Variants in DMD observed in about 807,000 individuals in gnomAD.
DMD encodes dystrophin.
In DMD, 63 loss-of-function variants were observed where a neutral mutation model predicts 330.1. The ratio of observed to expected loss-of-function variants is 0.19; its 90% CI spans 0.16 to 0.24. The LOEUF is 0.24. DMD is among the 10% of genes least tolerant of loss of function. The pLI is 1.00. For synonymous variants in DMD, 1,223 were observed against 959.8 expected (o/e 1.27, Z -5.07); for missense variants, 3,344 against 2,684.1 (o/e 1.25, Z -5.43).
chrX:31,927,171 A>G (rs1235801265), intron 47 of DMD, among the ~76,000 whole-genome samples: 1 of 112,467 alleles, frequency 8.9e-6, no homozygotes, highest in Non-Finnish European at 1.9e-5. Context: ...AATGAATAAA[A>G]TTCCAAATCC....
At chrX:32,390,424 A>C (rs914005791) in intron 30 of DMD, among the ~76,000 whole-genome samples, 1 of 109,729 alleles carries the variant, frequency 9.1e-6, no homozygotes, top group Non-Finnish European at 1.9e-5. Flanking sequence ...TATCCAAGTG[A>C]AACGATTTAT....
chrX:31,970,924 T>A (rs2095393591), intron 44 of DMD, among the ~76,000 whole-genome samples: 1 of 111,779 alleles, frequency 8.9e-6, no homozygotes, highest in African/African-American at 3.3e-5. Context: ...ACCATGGCTC[T>A]TATTTGTTCC....
At chrX:32,353,462 A>G (rs12688694) in intron 37 of DMD, among the ~76,000 whole-genome samples, 1,236 of 111,652 alleles carry the variant, frequency 0.011, 25 homozygotes, top group East Asian at 0.087. Context: ...ATTGTCTAAA[A>G]CAGTTGAAAG....
At chrX:32,790,948 G>A (rs1246354038) in intron 7 of DMD, among the ~76,000 whole-genome samples, 1 of 111,192 alleles carries the variant, frequency 9.0e-6, no homozygotes, top group African/African-American at 3.3e-5. Context: ...ACCACCAGGA[G>A]TCCTGAGGAC....
intron 9 of DMD, among the ~76,000 whole-genome samples, chrX:32,684,018 TACACACAC>T (rs369735561): frequency 7.8e-4 from 55 of 70,928 alleles, no homozygotes; most frequent in East Asian, 4.3e-3. Flanking sequence ...CACACATACA[TACACACAC>T]ACACACACAC....
intron 2 of DMD, among the ~76,000 whole-genome samples, chrX:32,929,857 C>T (rs2089435414): frequency 9.0e-6 from 1 of 111,473 alleles, no homozygotes; most frequent in African/African-American, 3.3e-5. Flanking sequence ...ATGATGGTTT[C>T]CAGCTTCATC....
chrX:31,522,355 C>A (rs868199222), intron 55 of DMD, among the ~76,000 whole-genome samples: 190 of 60,501 alleles, frequency 3.1e-3, no homozygotes, highest in African/African-American at 0.011. Flanking sequence ...CTCTCTCTCT[C>A]TCTCTCTCTA....
At chrX:32,400,271 C>T (rs1430756408) in intron 30 of DMD, among the ~76,000 whole-genome samples, 1 of 111,566 alleles carries the variant, frequency 9.0e-6, no homozygotes, top group Non-Finnish European at 1.9e-5. Flanking sequence ...TATTGATTTG[C>T]ATATATTGAA....
At chrX:31,554,122 G>A (rs1337873520) in intron 55 of DMD, among the ~76,000 whole-genome samples, 4 of 112,081 alleles carry the variant, frequency 3.6e-5, no homozygotes, top group African/African-American at 1.3e-4. Flanking sequence ...CACTGTTAAC[G>A]AATTACCACT....
In DMD at chrX:32,637,637, G is replaced by A. The variant is rs1042461164; in HGVS notation, c.1331+6495C>T. ...AACAAGTTTAATTGACTCACAGTTC[G>A]GCATGGCTGGGGAGGCCTCAGAAAA... On this transcript the variant is annotated intron_variant, in intron 11 of 78. Coordinates refer to ENST00000357033, the MANE Select transcript of DMD (RefSeq NM_004006.3). Among the ~76,000 whole-genome samples the A allele has an allele frequency of 3.6e-5, 4 of 111,627 alleles. No individual in the cohort carries two copies. In the East Asian group the frequency reaches 8.5e-4, roughly 24 times the overall value.
In DMD at chrX:32,969,784, C is replaced by T. The variant is rs1205870277; in HGVS notation, c.93+50355G>A. ...ATTTCAACATCTGTTTATATAAATT[C>T]ATCTCTTGTTTAAAACTGTAGTATA... is the stretch of plus-strand genomic sequence containing the variant. On this transcript the variant is annotated intron_variant, in intron 2 of 78. Coordinates refer to ENST00000357033, the MANE Select transcript of DMD (RefSeq NM_004006.3). 6.4e-5 allele frequency among the ~76,000 whole-genome samples: 6 copies of T among 94,028 alleles called. 1 individual carries two copies. The highest frequency in any genetic ancestry group is 2.0e-5 in the Non-Finnish European group (1 of 49,340). The allele number at this position is 94,028 out of a possible 115,157, so 81.7% of individuals were successfully genotyped here.
rs139877531 is a variant in DMD at position 32,867,224 on chromosome X, C to G, written c.94-17404G>C. ...CTCCCATTTGCTAGATTTTTACTGTCACTTTAGATAAAAAGTGTGTTTATC... is the reference window on the plus strand; with the variant it reads ...CTCCCATTTGCTAGATTTTTACTGTGACTTTAGATAAAAAGTGTGTTTATC... On this transcript the variant is annotated intron_variant, in intron 2 of 78. Transcript: ENST00000357033. Among the ~76,000 whole-genome samples the G allele has an allele frequency of 5.3e-3, 579 of 109,963 alleles. 1 individual carries two copies. Among genetic ancestry groups the G allele is most frequent in the Middle Eastern group, 0.014 (3 of 207 alleles).
intron 29 of DMD, among the ~76,000 whole-genome samples, chrX:32,412,787 A>G (rs2098148649): frequency 9.0e-6 from 1 of 111,416 alleles, no homozygotes; most frequent in African/African-American, 3.3e-5. Context: ...TATCAGGTAC[A>G]ATATAACTTT....
chrX:31,644,632 C>A (rs773177285), intron 54 of DMD, among the ~76,000 whole-genome samples: 6 of 112,062 alleles, frequency 5.4e-5, no homozygotes, highest in South Asian at 3.7e-4. Flanking sequence ...CAGAACCCAG[C>A]GCAAGCAAGC....
chrX:32,655,356 T>A (rs1383414841), intron 9 of DMD, among the ~76,000 whole-genome samples: 4 of 112,423 alleles, frequency 3.6e-5, no homozygotes, highest in African/African-American at 1.3e-4. Flanking sequence ...CTCATTGGTT[T>A]CAAAGAACAT....
chrX:32,155,360 C>A, intron 44 of DMD: 1 of 740,348 alleles, frequency 1.4e-6, no homozygotes, highest in Non-Finnish European at 1.6e-6. Flanking sequence ...CACTCAGACA[C>A]ACTTGCCTAC....
intron 53 of DMD, among the ~76,000 whole-genome samples, chrX:31,670,806 A>G (rs1466593511): frequency 9.0e-6 from 1 of 111,381 alleles, no homozygotes; most frequent in Non-Finnish European, 1.9e-5. Context: ...ACTTGACTGC[A>G]TCTGCAAAGA....
intron 59 of DMD, among the ~76,000 whole-genome samples, chrX:31,446,527 G>A (rs753398956): frequency 9.0e-6 from 1 of 111,709 alleles, no homozygotes; most frequent in Non-Finnish European, 1.9e-5. Context: ...TCGTGTTAGT[G>A]GAATGTCACT....
At chrX:31,314,188 T>C (rs998309618) in intron 62 of DMD, among the ~76,000 whole-genome samples, 1 of 111,963 alleles carries the variant, frequency 8.9e-6, no homozygotes, top group Non-Finnish European at 1.9e-5. Flanking sequence ...AAGGATTAAA[T>C]GGGAAGATAC....
Sources: allele counts gnomAD v4.1 joint callset (sites outside exome capture counted in the v4.1 genomes callset), GRCh38; gene constraint gnomAD v4.1.1; transcripts MANE v1.5; gene names NCBI Gene and HGNC (gene_info 2026-07-23, HGNC 2026-07-21).